Variants in PAFAH2 observed in about 807,000 individuals in gnomAD.
PAFAH2 encodes the protein platelet-activating factor acetylhydrolase 2, cytoplasmic.
PAFAH2 carries 42 observed loss-of-function variants against 49.0 expected under a neutral mutation model. That is an observed-to-expected ratio of 0.86 (90% CI 0.67 to 1.11). The LOEUF (loss-of-function observed/expected upper bound fraction) is 1.11. Ranked by LOEUF, PAFAH2 falls within the 50% of genes least tolerant of loss-of-function variation. The probability of loss-of-function intolerance (pLI) is 0.00; values close to 1 mark genes in which losing one functional copy is unlikely to be tolerated. For synonymous variants in PAFAH2, 184 were observed against 181.3 expected, an observed-to-expected ratio of 1.01 and a Z score of -0.12; for missense variants, 503 against 501.8, an observed-to-expected ratio of 1.00 and a Z score of -0.02.
chr1:25,961,801 T>G lies in PAFAH2; in HGVS notation c.*188A>C. On this transcript the variant is annotated 3_prime_UTR_variant, in exon 11 of 11. Transcript: ENST00000374282. ...TTTGTCAATCAGCAAGGGATCCCAG[T>G]CCCAAAGTGATTTTAAGATCAAATC... The G allele has an allele frequency of 1.9e-6, 1 of 518,380 alleles. No individual in the cohort carries two copies. The highest frequency in any genetic ancestry group is 3.4e-6 in the Non-Finnish European group (1 of 291,092). The allele number at this position is 518,380 out of a possible 1,614,324, so 32.1% of individuals were successfully genotyped here.
chr1:25,990,691 A>G, intron 2 of PAFAH2, 36 bp downstream of exon 2: 1 of 1,505,488 alleles, frequency 6.6e-7, no homozygotes, highest in Non-Finnish European at 9.2e-7. Flanking sequence ...CGGCAGAAGC[A>G]GTGCAAACAG....
intron 6 of PAFAH2, among the ~76,000 whole-genome samples, chr1:25,983,335 T>C (rs1181380715): frequency 2.6e-5 from 4 of 151,874 alleles, no homozygotes; most frequent in African/African-American, 9.7e-5. Context: ...CATTGAGCCG[T>C]GTTGGTGCCA....
At chr1:25,969,754 G>T (rs1035629565) in intron 10 of PAFAH2, among the ~76,000 whole-genome samples, 16 of 152,138 alleles carry the variant, frequency 1.1e-4, no homozygotes, top group African/African-American at 3.9e-4. Context: ...AGCTCAACGG[G>T]TATTGCTTTT....
chr1:25,961,893 C>A lies in PAFAH2; in HGVS notation c.*96G>T. ...CACCTTTCAATCTGTGAAAAGGGGT[C>A]ACGTTGATCACTTCTTGATAGGAGC... On this transcript the variant is annotated 3_prime_UTR_variant, in exon 11 of 11. Transcript: ENST00000374282. The A allele has an allele frequency of 2.6e-6, 2 of 766,500 alleles. No individual in the cohort carries two copies. The highest frequency in any genetic ancestry group is 2.1e-5 in the Admixed American group (1 of 46,654). 47.5% of individuals were successfully genotyped at this position (766,500 alleles called of 1,614,324 possible). A position where few individuals can be genotyped will look rare whatever the true frequency, so the allele number is the denominator to read the frequency against.
In PAFAH2 at chr1:25,974,617, A is replaced by G; in HGVS notation, c.792T>C (p.Pro264=). The change falls in exon 9 of 11, where the codon CCT becomes CCC. Residue 264 remains proline (P), a synonymous_variant. Transcript: ENST00000374282. ...CAVALDAWMF[P]LERDFYPKAR... ...CCTTGGGGTAAAAGTCACGTTCCAG[A>G]GGAAACATCCAAGCATCCAGAGCCA... is the stretch of plus-strand genomic sequence containing the variant. 6.2e-7 allele frequency: 1 copy of G among 1,614,180 alleles called. No individual in the cohort carries two copies.
intron 1 of PAFAH2, chr1:25,997,747 G>A (rs2049956049): frequency 6.5e-6 from 1 of 153,124 alleles, no homozygotes; most frequent in Non-Finnish European, 1.5e-5. Context: ...CGAGGAATCA[G>A]GGTAGGGCTG....
intron 1 of PAFAH2, among the ~76,000 whole-genome samples, chr1:25,993,281 A>G (rs768389601): frequency 3.1e-4 from 47 of 152,266 alleles, no homozygotes; most frequent in South Asian, 8.3e-4. Flanking sequence ...GCTTCCTTTA[A>G]GATGCTCTGG....
rs768002125 is a variant in PAFAH2 at position 25,972,731 on chromosome 1, A to T, written c.930-19T>A. ...AGAACCACTAGGGGAAAAGAAAAAC[A>T]ACTGGCAGGGGTCTGGCGGCTAGGG... On this transcript the variant is annotated intron_variant, in intron 9 of 10. Coordinates refer to ENST00000374282, the MANE Select transcript of PAFAH2 (RefSeq NM_000437.4). 10 of 1,613,772 alleles carry T rather than the reference A, an allele frequency of 6.2e-6. No individual in the cohort carries two copies. The Admixed American group carries it at 1.7e-4, about 27-fold the overall frequency.
intron 7 of PAFAH2, among the ~76,000 whole-genome samples, chr1:25,980,540 C>G (rs1170427375): frequency 2.0e-5 from 3 of 150,306 alleles, no homozygotes; most frequent in African/African-American, 7.3e-5. Context: ...ATCTCTTGAC[C>G]TTGTGATCCA....
chr1:25,997,888 G>C (rs994563988), intron 1 of PAFAH2, 137 bp downstream of exon 1: 17 of 152,294 alleles, frequency 1.1e-4, no homozygotes, highest in African/African-American at 4.1e-4. Context: ...ACAGGTGTCT[G>C]AATAGGAAAC....
intron 10 of PAFAH2, among the ~76,000 whole-genome samples, chr1:25,963,786 C>G (rs1461632672): frequency 6.6e-6 from 1 of 152,220 alleles, no homozygotes; most frequent in Non-Finnish European, 1.5e-5. Flanking sequence ...CAGGCGTGAG[C>G]CACGGTGCCT....
chr1:25,983,668 G>A (rs188177704), intron 6 of PAFAH2, among the ~76,000 whole-genome samples: 1 of 152,174 alleles, frequency 6.6e-6, no homozygotes, highest in Non-Finnish European at 1.5e-5. Flanking sequence ...AACAAATCCT[G>A]ACGGCATTTA....
At position 25,972,648 on chromosome 1, in the gene PAFAH2, A is replaced by G. The variant is rs1478356639; in HGVS notation, c.994T>C (p.Phe332Leu). 6.2e-7 allele frequency: 1 copy of G among 1,613,878 alleles called. No individual in the cohort carries two copies. Among genetic ancestry groups the G allele is most frequent in the Non-Finnish European group, 8.5e-7 (1 of 1,179,878 alleles). ...AGGCTCCCACGGGTTTCAGTGGAGA[A>G]GAATTTACCAATCAAGTTGCCAGTC... ...FVTGNLIGKF[F>L]STETRGSLDP... Residue 332 changes from phenylalanine (F) to leucine (L), a missense_variant, in exon 10 of 11, where the codon TTC (phenylalanine) becomes CTC (leucine). Coordinates refer to ENST00000374282, the MANE Select transcript of PAFAH2 (RefSeq NM_000437.4).
In PAFAH2 at chr1:25,967,291, C is replaced by T. The variant is rs151191834; in HGVS notation, c.1085-5208G>A. On this transcript the variant is annotated intron_variant, in intron 10 of 10. Transcript: ENST00000374282. ...CTGAGTAACTAGAAGGATGGAGCTA[C>T]GATTAACGAAGAAGGAAAAGAGTGC... Among the ~76,000 whole-genome samples the T allele has an allele frequency of 1.7e-3, 255 of 152,190 alleles. 1 individual carries two copies. Among genetic ancestry groups the T allele is most frequent in the African/African-American group, 2.1e-3 (87 of 41,516 alleles).
At chr1:25,968,722 C>T (rs568454214) in intron 10 of PAFAH2, among the ~76,000 whole-genome samples, 1 of 152,252 alleles carries the variant, frequency 6.6e-6, no homozygotes, top group East Asian at 1.9e-4. Context: ...CCCAAGCCCA[C>T]AGCCTTGGCC....
At chr1:25,992,099 C>T (rs1013083572) in intron 1 of PAFAH2, among the ~76,000 whole-genome samples, 2 of 100,790 alleles carry the variant, frequency 2.0e-5, no homozygotes, top group East Asian at 7.9e-4. Flanking sequence ...TTCTTAAAAC[C>T]GTTTGATTTT....
intron 4 of PAFAH2, among the ~76,000 whole-genome samples, chr1:25,987,446 A>G (rs778498644): frequency 1.7e-4 from 25 of 150,646 alleles, no homozygotes; most frequent in Non-Finnish European, 2.5e-4. Flanking sequence ...ATAAGAACAC[A>G]TGGGGCCGGG....
At chr1:25,970,101 C>T (rs527809141) in intron 10 of PAFAH2, among the ~76,000 whole-genome samples, 59 of 152,278 alleles carry the variant, frequency 3.9e-4, no homozygotes, top group East Asian at 2.5e-3. Flanking sequence ...CAAACTCAAT[C>T]CAGGCTGTTT....
chr1:25,989,135 C>T (rs1010698554), intron 3 of PAFAH2, among the ~76,000 whole-genome samples: 4 of 152,142 alleles, frequency 2.6e-5, no homozygotes, highest in Admixed American at 1.3e-4. Flanking sequence ...TCCCAAGCAC[C>T]GCATTAGAGG....
Sources: allele counts gnomAD v4.1 joint callset (sites outside exome capture counted in the v4.1 genomes callset), GRCh38; gene constraint gnomAD v4.1.1; transcripts MANE v1.5; gene names NCBI Gene and HGNC (gene_info 2026-07-23, HGNC 2026-07-21).